TMEM213: variants seen among roughly 807,000 people sequenced by gnomAD.
TMEM213 encodes the protein transmembrane protein 213.
A neutral mutation model predicts 11.6 loss-of-function variants in TMEM213; 7 were observed. The ratio of observed to expected loss-of-function variants is 0.60; its 90% CI spans 0.34 to 1.13. The LOEUF (loss-of-function observed/expected upper bound fraction) is 1.13, where lower values mean the gene tolerates loss of function less well. Ranked by LOEUF, TMEM213 falls within the 50% of genes most tolerant of loss-of-function variation. The pLI is 0.03. For missense variants in TMEM213, 129 were observed against 139.0 expected (o/e 0.93, Z 0.36); for synonymous variants, 60 against 58.3 (o/e 1.03, Z -0.13).
At chr7:138,800,726 G>C (rs1808912679) in intron 1 of TMEM213, among the ~76,000 whole-genome samples, 1 of 139,714 alleles carries the variant, frequency 7.2e-6, no homozygotes, top group Non-Finnish European at 1.5e-5. Flanking sequence ...TTTTTAGACG[G>C]AGTTTCACTC....
rs779831163 is a variant in TMEM213, at chr7:138,804,548, C to T, written c.*1479C>T. On this transcript the variant is annotated 3_prime_UTR_variant, in exon 3 of 3. Transcript: ENST00000442682. ...ATGTGCAGTTGTTGTGAATGGGCCA[C>T]TCCATAGTTTATCCTTCCTCACACC... is the stretch of plus-strand genomic sequence containing the variant. 3 of 152,302 alleles carry T rather than the reference C, an allele frequency of 2.0e-5. No individual in the cohort carries two copies. The highest frequency in any genetic ancestry group is 4.4e-5 in the Non-Finnish European group (3 of 68,116). The allele number at this position is 152,302 out of a possible 1,614,324, so 9.4% of individuals were successfully genotyped here. A position where few individuals can be genotyped will look rare whatever the true frequency, so the allele number is the denominator to read the frequency against.
chr7:138,803,025 C>G lies in TMEM213; in HGVS notation c.280C>G (p.Leu94Val). The G allele has an allele frequency of 6.2e-7, 1 of 1,613,824 alleles. No homozygotes were observed. The highest frequency in any genetic ancestry group is 8.5e-7 in the Non-Finnish European group (1 of 1,179,892). ...LTLILLCVDK[L>V]MKLTPDEPKD... ...CCTCATCCTGCTCTGTGTGGACAAA[C>G]TGATGAAGCTGACTCCAGATGAGCC... Residue 94 changes from leucine to valine, a missense_variant, in exon 3 of 3, where the codon CTG becomes GTG. Coordinates refer to ENST00000442682, the MANE Select transcript of TMEM213 (RefSeq NM_001085429.2).
chr7:138,801,083 G>A (rs1584963851), intron 1 of TMEM213, among the ~76,000 whole-genome samples: 1 of 152,166 alleles, frequency 6.6e-6, no homozygotes, highest in East Asian at 1.9e-4. Context: ...CTCTTCGAAT[G>A]TCCCATCTCC....
In TMEM213 at chr7:138,802,846, C is replaced by G. The variant is rs183720928; in HGVS notation, c.155-54C>G. The stretch of plus-strand genomic sequence containing the variant: ...TCTGTTAATATTAATGGTAGAGAAG[C>G]CTGGGCAGGGCTGGTGGTGCATGCC... On this transcript the variant is annotated intron_variant, in intron 2 of 2. Transcript: ENST00000442682. The G allele has an allele frequency of 4.0e-6, 6 of 1,500,442 alleles. No homozygotes were observed. In the East Asian group the frequency reaches 1.1e-4, roughly 28 times the overall value. 92.9% of individuals were successfully genotyped at this position (1,500,442 alleles called of 1,614,324 possible). A position where few individuals can be genotyped will look rare whatever the true frequency, so the allele number is the denominator to read the frequency against.
rs752531384 is a variant in TMEM213 at position 138,801,314 on chromosome 7, T to C, written c.83-13T>C. On this transcript the variant is annotated splice_polypyrimidine_tract_variant and intron_variant, in intron 1 of 2. Transcript: ENST00000442682. The stretch of plus-strand genomic sequence containing the variant: ...TGCCAGTGCCTCAGACTATCTCCTA[T>C]CTTTTCTTCCAGAAGCAAGCAGCAG... The C allele has an allele frequency of 1.1e-5, 17 of 1,609,216 alleles. No homozygotes were observed. In the East Asian group the frequency reaches 2.0e-4, roughly 19 times the overall value.
Position 138,802,941 on chromosome 7 carries a change from G to C in TMEM213, c.196G>C (p.Gly66Arg). ...ACAAGCAGCCCGGTGCTGCCGCACAGGAGTGGACGAGTACGGCTGGATCGC... is the reference window on the plus strand; with the variant it reads ...ACAAGCAGCCCGGTGCTGCCGCACACGAGTGGACGAGTACGGCTGGATCGC... ...CPQAARCCRT[G>R]VDEYGWIAAA... is the part of the protein sequence containing the mutation. Residue 66 changes from glycine (G) to arginine (R), a missense_variant, in exon 3 of 3, where the codon GGA becomes CGA. By Grantham distance (125) the Gly-to-Arg change is moderately radical. Coordinates refer to ENST00000442682, the MANE Select transcript of TMEM213 (RefSeq NM_001085429.2). 1 of 1,609,786 alleles carries C rather than the reference G, an allele frequency of 6.2e-7. No individual in the cohort carries two copies. Among genetic ancestry groups the C allele is most frequent in the South Asian group, 1.1e-5 (1 of 90,452 alleles).
intron 1 of TMEM213, among the ~76,000 whole-genome samples, chr7:138,800,711 T>C (rs1808911684): frequency 6.6e-6 from 1 of 151,424 alleles, no homozygotes; most frequent in East Asian, 1.9e-4. Context: ...CTTCTTTTTT[T>C]TTTTTTTTTA....
At chr7:138,801,449 G>C in intron 2 of TMEM213, 51 bp downstream of exon 2, 2 of 1,546,956 alleles carry the variant, frequency 1.3e-6, no homozygotes, top group African/African-American at 1.4e-5. Flanking sequence ...CCTCAGCCTG[G>C]GAGGGAAACA....
At position 138,803,725 on chromosome 7, in the gene TMEM213, C is replaced by T; in HGVS notation, c.*656C>T. On this transcript the variant is annotated 3_prime_UTR_variant, in exon 3 of 3. Coordinates refer to ENST00000442682, the MANE Select transcript of TMEM213 (RefSeq NM_001085429.2). ...CCTCGGAGGCGGAGGTTGCAGTGAGCCAAGATCATGCCACTGCACTCCAGC... is the reference window on the plus strand; with the variant it reads ...CCTCGGAGGCGGAGGTTGCAGTGAGTCAAGATCATGCCACTGCACTCCAGC... 6.6e-6 allele frequency: 1 copy of T among 150,522 alleles called. No individual in the cohort carries two copies. The highest frequency in any genetic ancestry group is 1.5e-5 in the Non-Finnish European group (1 of 68,586). The allele number at this position is 150,522 out of a possible 1,614,324, so 9.3% of individuals were successfully genotyped here.
chr7:138,801,552 G>C lies in TMEM213; in HGVS notation c.154+154G>C. ...AGTGTGGTTTGTCCCAGAACTATTT[G>C]CAGAGCAGGTCTGAAAGGCTTTCTT... On this transcript the variant is annotated intron_variant, in intron 2 of 2. Coordinates refer to ENST00000442682, the MANE Select transcript of TMEM213 (RefSeq NM_001085429.2). The C allele has an allele frequency of 5.7e-6, 4 of 698,272 alleles. No homozygotes were observed. In the South Asian group the frequency reaches 7.2e-5, roughly 13 times the overall value. 43.3% of individuals were successfully genotyped at this position (698,272 alleles called of 1,614,324 possible). A position where few individuals can be genotyped will look rare whatever the true frequency, so the allele number is the denominator to read the frequency against.
intron 1 of TMEM213, 124 bp from the exon 2 acceptor site, chr7:138,801,203 C>A: frequency 2.3e-6 from 2 of 858,678 alleles, no homozygotes; most frequent in Non-Finnish European, 3.7e-6. Flanking sequence ...CTCAATATGC[C>A]CATGCGGGAG....
intron 1 of TMEM213, among the ~76,000 whole-genome samples, chr7:138,800,903 T>A (rs1465739215): frequency 3.3e-5 from 5 of 152,026 alleles, no homozygotes; most frequent in Admixed American, 3.3e-4. Context: ...TTCATCATGT[T>A]GGCCAGGCTG....
At position 138,802,956 on chromosome 7, in the gene TMEM213, G is replaced by T; in HGVS notation, c.211G>T (p.Gly71Cys). Residue 71 changes from glycine to cysteine, a missense_variant, in exon 3 of 3, where the codon GGC becomes TGC. By Grantham distance (159) the Gly-to-Cys change is radical. Transcript: ENST00000442682. ...RCCRTGVDEY[G>C]WIAAAVGWSL... is the part of the protein sequence containing the mutation. ...CTGCCGCACAGGAGTGGACGAGTAC[G>T]GCTGGATCGCGGCAGCTGTTGGCTG... 6.2e-7 allele frequency: 1 copy of T among 1,612,368 alleles called. No homozygotes were observed. Among genetic ancestry groups the T allele is most frequent in the Non-Finnish European group, 8.5e-7 (1 of 1,179,486 alleles).
chr7:138,803,293 C>T lies in TMEM213; in HGVS notation c.*224C>T. On this transcript the variant is annotated 3_prime_UTR_variant, in exon 3 of 3. Coordinates refer to ENST00000442682, the MANE Select transcript of TMEM213 (RefSeq NM_001085429.2). ...CCTGGGCTGTGCCCAGGTAACTCCT[C>T]TCTCAAGATAGTCCCTCTGTAATGT... The T allele has an allele frequency of 1.8e-6, 1 of 565,134 alleles. No individual in the cohort carries two copies. Among genetic ancestry groups the T allele is most frequent in the Non-Finnish European group, 3.1e-6 (1 of 319,972 alleles). 35.0% of individuals were successfully genotyped at this position (565,134 alleles called of 1,614,324 possible). A position where few individuals can be genotyped will look rare whatever the true frequency, so the allele number is the denominator to read the frequency against.
chr7:138,798,439 C>T, intron 1 of TMEM213: 1 of 545,152 alleles, frequency 1.8e-6, no homozygotes, highest in East Asian at 3.2e-5. Flanking sequence ...GCAGGAGCAG[C>T]CACCTCTCTT....
At position 138,804,718 on chromosome 7, in the gene TMEM213, TAACC is replaced by T. The variant is rs1292314821; in HGVS notation, c.*1651_*1654del. The T allele has an allele frequency of 6.6e-6, 1 of 152,206 alleles. No homozygotes were observed. The highest frequency in any genetic ancestry group is 1.5e-5 in the Non-Finnish European group (1 of 68,044). The allele number at this position is 152,206 out of a possible 1,614,324, so 9.4% of individuals were successfully genotyped here. ...TCCATTTTTCTCCAGATGGTTGAAATAACCAGCCTCTGAAGGAGCCAATGGTTTG... is the reference window on the plus strand; with the variant it reads ...TCCATTTTTCTCCAGATGGTTGAAATAGCCTCTGAAGGAGCCAATGGTTTG... On this transcript the variant is annotated 3_prime_UTR_variant, in exon 3 of 3. Transcript: ENST00000442682.
At position 138,805,925 on chromosome 7, in the gene TMEM213, G is replaced by A. The variant is rs1809092991; in HGVS notation, c.*2856G>A. On this transcript the variant is annotated 3_prime_UTR_variant, in exon 3 of 3. Coordinates refer to ENST00000442682, the MANE Select transcript of TMEM213 (RefSeq NM_001085429.2). ...GGTCAGGGCACCAGTTGGTGTCTGA[G>A]ATGCCCTCCAGTCTGGGGAACCCCG... 6.6e-6 allele frequency: 1 copy of A among 151,868 alleles called. No individual in the cohort carries two copies. The highest frequency in any genetic ancestry group is 1.5e-5 in the Non-Finnish European group (1 of 67,992). The allele number at this position is 151,868 out of a possible 1,614,324, so 9.4% of individuals were successfully genotyped here. A position where few individuals can be genotyped will look rare whatever the true frequency, so the allele number is the denominator to read the frequency against.
intron 1 of TMEM213, among the ~76,000 whole-genome samples, chr7:138,800,174 T>C (rs1808884979): frequency 6.6e-6 from 1 of 152,150 alleles, no homozygotes; most frequent in Non-Finnish European, 1.5e-5. Context: ...GTGCTTCCAA[T>C]ATGGTAGCCA....
rs1455148755 is a variant in TMEM213, at chr7:138,803,535, T to A, written c.*466T>A. Reference sequence around the variant, plus strand: ...GCTCATGCCTGTAATCCCAGCACTTTGGGAGGCAGAGGTGGGCAGATCACT... The same window carrying A: ...GCTCATGCCTGTAATCCCAGCACTTAGGGAGGCAGAGGTGGGCAGATCACT... On this transcript the variant is annotated 3_prime_UTR_variant, in exon 3 of 3. Transcript: ENST00000442682. The A allele has an allele frequency of 5.8e-6, 1 of 170,964 alleles. No individual in the cohort carries two copies. Among genetic ancestry groups the A allele is most frequent in the Non-Finnish European group, 1.3e-5 (1 of 79,152 alleles). The allele number at this position is 170,964 out of a possible 1,614,324, so 10.6% of individuals were successfully genotyped here. A position where few individuals can be genotyped will look rare whatever the true frequency, so the allele number is the denominator to read the frequency against.
Sources: allele counts gnomAD v4.1 joint callset (sites outside exome capture counted in the v4.1 genomes callset), GRCh38; gene constraint gnomAD v4.1.1; transcripts MANE v1.5; gene names NCBI Gene and HGNC (gene_info 2026-07-23, HGNC 2026-07-21).